The following ATAD2B variants were observed in gnomAD, a reference collection of about 807,000 sequenced individuals.
The protein encoded by ATAD2B is ATPase family AAA domain-containing protein 2B.
In ATAD2B, 40 loss-of-function variants were observed where a neutral mutation model predicts 167.6. The ratio of observed to expected loss-of-function variants is 0.24; its 90% CI spans 0.19 to 0.31. The LOEUF (loss-of-function observed/expected upper bound fraction) is 0.31, where lower values mean the gene tolerates loss of function less well. Ranked by LOEUF, ATAD2B falls within the 10% of genes least tolerant of loss-of-function variation. The pLI is 1.00. For missense variants in ATAD2B, 1,242 were observed against 1,757.2 expected (o/e 0.71, Z 5.24); for synonymous variants, 579 against 596.5 (o/e 0.97, Z 0.43).
chr2:23,834,154 T>A, intron 13 of ATAD2B, 76 bp from the exon 14 acceptor site: 27 of 448,512 alleles, frequency 6.0e-5, no homozygotes, highest in East Asian at 1.2e-4. Context: ...CAGTCTTTCT[T>A]TTTTTTTTTT....
chr2:23,878,260 C>T (rs1217970547), intron 7 of ATAD2B, among the ~76,000 whole-genome samples: 2 of 151,836 alleles, frequency 1.3e-5, no homozygotes, highest in Non-Finnish European at 2.9e-5. Context: ...ACTTGGGAGG[C>T]TGAGGCAGGA....
At chr2:23,682,463 C>G in the ATAD2B span, among the ~76,000 whole-genome samples, 1 of 152,180 alleles carries the variant, frequency 6.6e-6, no homozygotes, top group Non-Finnish European at 1.5e-5. This position sits in a 1 kb window ranked among gnomAD's most constrained non-coding sequence, Gnocchi z 4.1. Flanking sequence ...CAAGCCACTC[C>G]CCATCCTGCC....
chr2:23,876,186 G>T (rs548646193), intron 7 of ATAD2B, among the ~76,000 whole-genome samples: 2 of 151,766 alleles, frequency 1.3e-5, no homozygotes, highest in East Asian at 3.9e-4. Context: ...TAGAGACAGG[G>T]TTTCACCATG....
At chr2:23,859,520 CTTAT>C (rs1233312016) in intron 12 of ATAD2B, among the ~76,000 whole-genome samples, 1 of 148,966 alleles carries the variant, frequency 6.7e-6, no homozygotes, top group Non-Finnish European at 1.5e-5. Context: ...GTTGCCCAGG[CTTAT>C]TTATTTATTT....
rs1269172931 is a variant in ATAD2B at position 23,762,618 on chromosome 2, C to T, written c.3257-272G>A. On this transcript the variant is annotated intron_variant, in intron 23 of 27. Transcript: ENST00000238789. The stretch of plus-strand genomic sequence containing the variant: ...ATTCATTTTAATTCACAAAGAGGCA[C>T]ATTTTACATTATTATGACTGTGGAA... Among the ~76,000 whole-genome samples, 8 of 152,264 alleles carry T rather than the reference C, an allele frequency of 5.3e-5. No homozygotes were observed. The South Asian group carries it at 8.3e-4, about 16-fold the overall frequency.
At chr2:23,762,460 G>C (rs1676872672) in intron 23 of ATAD2B, 114 bp from the exon 24 acceptor site, 1 of 1,002,446 alleles carries the variant, frequency 1.0e-6, no homozygotes. Flanking sequence ...AATTATACTA[G>C]GGCAGTTTGC....
rs1572890396 is a variant in ATAD2B at position 23,818,112 on chromosome 2, CACACACACATT to C, written c.2267+1624_2267+1634del. Among the ~76,000 whole-genome samples, 8 of 115,898 alleles carry C rather than the reference CACACACACATT, an allele frequency of 6.9e-5. No homozygotes were observed. In the East Asian group the frequency reaches 1.8e-3, roughly 27 times the overall value. 76.0% of individuals were successfully genotyped at this position (115,898 alleles called of 152,430 possible). On this transcript the variant is annotated intron_variant, in intron 17 of 27. Transcript: ENST00000238789. ...CACACACATTACACACACACACACA[CACACACACATT>C]ACACACACACACACACACAGAGAGA...
intron 1 of ATAD2B, among the ~76,000 whole-genome samples, chr2:23,925,081 C>G (rs1399571758): frequency 6.6e-6 from 1 of 152,162 alleles, no homozygotes; most frequent in Non-Finnish European, 1.5e-5. Flanking sequence ...AAGATCTTTT[C>G]TTAAATTGAG....
chr2:23,693,572 G>A, the ATAD2B span: 1 of 1,530,078 alleles, frequency 6.5e-7, no homozygotes, highest in Non-Finnish European at 8.8e-7. Flanking sequence ...TGGGTTTGGG[G>A]TCCCCCTGCG....
Position 23,917,326 on chromosome 2 carries a change from T to C in ATAD2B, c.216+9229A>G, listed in dbSNP as rs1232497621. Among the ~76,000 whole-genome samples the C allele has an allele frequency of 2.6e-5, 4 of 152,244 alleles. No homozygotes were observed. The South Asian group carries it at 8.3e-4, about 31-fold the overall frequency. ...CCTTTCAGGATTCCAATTTGGGTCC[T>C]AGAATACAGATATAAACTAACAATG... On this transcript the variant is annotated intron_variant, in intron 1 of 27. Transcript: ENST00000238789.
the ATAD2B span, among the ~76,000 whole-genome samples, chr2:23,732,375 T>C: frequency 2.0e-5 from 3 of 152,126 alleles, no homozygotes; most frequent in East Asian, 1.9e-4. Context: ...GATAAAACTA[T>C]ACGAAAAGCA....
intron 18 of ATAD2B, among the ~76,000 whole-genome samples, chr2:23,801,612 T>C (rs1683507318): frequency 6.6e-6 from 1 of 152,086 alleles, no homozygotes; most frequent in Admixed American, 6.6e-5. Flanking sequence ...CCAGCATATG[T>C]GAACTGTTCA....
intron 17 of ATAD2B, among the ~76,000 whole-genome samples, chr2:23,811,726 T>A (rs1685626263): frequency 6.6e-6 from 1 of 152,022 alleles, no homozygotes; most frequent in South Asian, 2.1e-4. Context: ...TGCATATGTA[T>A]CCCAAAACTT....
At chr2:23,787,696 G>A (rs715646) in intron 20 of ATAD2B, among the ~76,000 whole-genome samples, 18,211 of 151,988 alleles carry the variant, frequency 0.12, 1,163 homozygotes, top group Middle Eastern at 0.22. Context: ...AATGTATTGA[G>A]TATCCTACAA....
At chr2:23,857,764 C>T (rs1215499229) in intron 12 of ATAD2B, among the ~76,000 whole-genome samples, 35 of 120,244 alleles carry the variant, frequency 2.9e-4, no homozygotes, top group African/African-American at 9.9e-4. Context: ...TTTTTTGAGA[C>T]GGAGTCTCGC....
intron 22 of ATAD2B, among the ~76,000 whole-genome samples, chr2:23,781,600 G>A (rs765763161): frequency 6.6e-5 from 10 of 151,946 alleles, no homozygotes; most frequent in Non-Finnish European, 8.8e-5. Flanking sequence ...AGGAGGCGGA[G>A]GTTGCAGTAA....
chr2:23,914,789 G>A (rs964914551), intron 1 of ATAD2B, among the ~76,000 whole-genome samples: 4 of 150,554 alleles, frequency 2.7e-5, no homozygotes, highest in Non-Finnish European at 4.4e-5. Flanking sequence ...ACTGCAGTGA[G>A]CCAAGATCGC....
intron 13 of ATAD2B, chr2:23,856,501 G>C: frequency 2.6e-6 from 1 of 378,818 alleles, no homozygotes; most frequent in Non-Finnish European, 5.3e-6. Context: ...ATAAATAGTA[G>C]TATACACACA....
In ATAD2B at chr2:23,916,629, ATC is replaced by A. The variant is rs558716568; in HGVS notation, c.216+9924_216+9925del. ...CCCTCTAACCATAGGTTTCTGCCAA[ATC>A]TCTAAAATAATATCCTATTTCTTCA... On this transcript the variant is annotated intron_variant, in intron 1 of 27. Coordinates refer to ENST00000238789, the MANE Select transcript of ATAD2B (RefSeq NM_017552.4). Among the ~76,000 whole-genome samples, 541 of 152,298 alleles carry A rather than the reference ATC, an allele frequency of 3.6e-3. 2 individuals carry two copies. Among genetic ancestry groups the A allele is most frequent in the Middle Eastern group, 0.014 (4 of 294 alleles).
Sources: gnomAD v4.1 joint callset for allele counts (sites outside exome capture counted in the v4.1 genomes callset) on GRCh38, gnomAD v4.1.1 for gene constraint, Gnocchi (gnomAD v3.1) non-coding constraint, MANE v1.5 for transcripts, NCBI Gene and HGNC (gene_info 2026-07-23, HGNC 2026-07-21) for gene names.